Variants in NALF1 observed in about 807,000 individuals in gnomAD.
NALF1 encodes NALCN channel auxiliary factor 1.
NALF1 carries 3 observed loss-of-function variants against 48.4 expected under a neutral mutation model. That is an observed-to-expected ratio of 0.06 (90% CI 0.03 to 0.16). The LOEUF is 0.16. Among genes scored for constraint, NALF1 ranks in the 10% least tolerant of loss-of-function variants. The probability of loss-of-function intolerance (pLI) is 1.00; values close to 1 mark genes in which losing one functional copy is unlikely to be tolerated. For missense variants in NALF1, 526 were observed against 571.5 expected (o/e 0.92, Z 0.81); for synonymous variants, 262 against 245.7 (o/e 1.07, Z -0.62).
intron 1 of NALF1, among the ~76,000 whole-genome samples, chr13:107,344,546 A>G (rs1001317899): frequency 6.6e-6 from 1 of 152,202 alleles, no homozygotes; most frequent in African/African-American, 2.4e-5. Context: ...AAATCAATCA[A>G]TGTAATACAC....
intron 1 of NALF1, among the ~76,000 whole-genome samples, chr13:107,821,245 T>C (rs542361634): frequency 2.6e-5 from 4 of 152,350 alleles, no homozygotes; most frequent in African/African-American, 7.2e-5. Flanking sequence ...TGAGGACTTA[T>C]ACCCCAATAC....
chr13:107,794,264 T>A (rs1179825038), intron 1 of NALF1, among the ~76,000 whole-genome samples: 1 of 152,170 alleles, frequency 6.6e-6, no homozygotes, highest in Non-Finnish European at 1.5e-5. Flanking sequence ...AGCCCCTGGT[T>A]ACGTCTCTAA....
chr13:107,236,504 C>G (rs1356743464), intron 1 of NALF1, among the ~76,000 whole-genome samples: 1 of 151,996 alleles, frequency 6.6e-6, no homozygotes, highest in Non-Finnish European at 1.5e-5. Context: ...AGAAGAGTCC[C>G]CAGAGCGCAT....
At chr13:107,720,510 C>CA (rs56380251) in intron 1 of NALF1, among the ~76,000 whole-genome samples, 1,971 of 59,796 alleles carry the variant, frequency 0.033, 371 homozygotes, top group African/African-American at 0.11. Flanking sequence ...GACTGCATCT[C>CA]AAAAAAAAAA....
chr13:107,420,681 A>G (rs925669668), intron 1 of NALF1, among the ~76,000 whole-genome samples: 2 of 152,150 alleles, frequency 1.3e-5, no homozygotes, highest in Admixed American at 6.6e-5. Context: ...TCATACATAT[A>G]CCCATACAAA....
intron 1 of NALF1, among the ~76,000 whole-genome samples, chr13:107,407,087 C>A (rs1883912458): frequency 6.6e-6 from 1 of 151,888 alleles, no homozygotes; most frequent in Admixed American, 6.6e-5. Context: ...AAACTCAGAC[C>A]CCCATCGCTC....
intron 1 of NALF1, among the ~76,000 whole-genome samples, chr13:107,307,753 C>T (rs1374543542): frequency 1.3e-5 from 2 of 151,540 alleles, no homozygotes; most frequent in South Asian, 2.1e-4. Context: ...TCATTCTTTG[C>T]GGCACTAAAG....
chr13:107,409,874 T>C (rs534233590), intron 1 of NALF1, among the ~76,000 whole-genome samples: 30 of 152,316 alleles, frequency 2.0e-4, no homozygotes, highest in African/African-American at 7.2e-4. Context: ...ATCTCTTGAG[T>C]ACTACTGCCT....
At chr13:107,430,815 A>G (rs189799937) in intron 1 of NALF1, among the ~76,000 whole-genome samples, 12 of 152,172 alleles carry the variant, frequency 7.9e-5, no homozygotes, top group African/African-American at 2.9e-4. Context: ...GTATATACCC[A>G]GTAATGGGAT....
At chr13:107,319,052 C>T (rs970267830) in intron 1 of NALF1, among the ~76,000 whole-genome samples, 9 of 152,044 alleles carry the variant, frequency 5.9e-5, no homozygotes, top group African/African-American at 2.2e-4. Context: ...TTTGGTAAGT[C>T]ACAGTCCTAA....
At chr13:107,778,210 T>C (rs1438966434) in intron 1 of NALF1, among the ~76,000 whole-genome samples, 2 of 152,182 alleles carry the variant, frequency 1.3e-5, no homozygotes, top group East Asian at 3.9e-4. Flanking sequence ...TGAGGCTGCA[T>C]GAATGGAATG....
chr13:107,631,793 T>G (rs544175377), intron 1 of NALF1, among the ~76,000 whole-genome samples: 2 of 152,130 alleles, frequency 1.3e-5, no homozygotes, highest in Non-Finnish European at 2.9e-5. Flanking sequence ...ATGCAGATTA[T>G]ATATATAGCC....
chr13:107,177,734 G>A (rs939021916), intron 2 of NALF1, among the ~76,000 whole-genome samples: 5 of 152,130 alleles, frequency 3.3e-5, no homozygotes, highest in Non-Finnish European at 5.9e-5. Context: ...TGCCATATAC[G>A]AAAATCAAAT....
rs372122331 is a variant in NALF1, at chr13:107,638,201, A to ATATATATATATATATATGTATGTATG, written c.915+227480_915+227481insCATACATACATATATATATATATATA. On this transcript the variant is annotated intron_variant, in intron 1 of 2. Coordinates refer to ENST00000375915, the MANE Select transcript of NALF1 (RefSeq NM_001080396.3). ...TATATAAAGATTTATATATATATAT[A>ATATATATATATATATATGTATGTATG]TATATAATTTAAGATGAACATTGGG... 1.1e-4 allele frequency among the ~76,000 whole-genome samples: 12 copies of ATATATATATATATATATGTATGTATG among 110,848 alleles called. No individual in the cohort carries two copies. In the South Asian group the frequency reaches 2.0e-3, roughly 18 times the overall value. The allele number at this position is 110,848 out of a possible 152,430, so 72.7% of individuals were successfully genotyped here. A position where few individuals can be genotyped will look rare whatever the true frequency, so the allele number is the denominator to read the frequency against.
chr13:107,750,581 TG>T (rs921033246), intron 1 of NALF1, among the ~76,000 whole-genome samples: 2 of 144,616 alleles, frequency 1.4e-5, no homozygotes, highest in African/African-American at 2.5e-5. Flanking sequence ...TTTATTAACA[TG>T]AAAAAAAAAA....
chr13:107,290,501 G>A (rs1013915168), intron 1 of NALF1, among the ~76,000 whole-genome samples: 4 of 152,034 alleles, frequency 2.6e-5, no homozygotes, highest in Admixed American at 6.6e-5. Flanking sequence ...ATTTTATAAG[G>A]GGTTTCCCCT....
At position 107,611,015 on chromosome 13, in the gene NALF1, G is replaced by A. The variant is rs75064601; in HGVS notation, c.915+254667C>T. Reference sequence around the variant, plus strand: ...GAAGGTGGAAGGAGAGAAAGAAGTAGAGGACAGGGAAAACGGAGCACTCTC... The same window carrying A: ...GAAGGTGGAAGGAGAGAAAGAAGTAAAGGACAGGGAAAACGGAGCACTCTC... On this transcript the variant is annotated intron_variant, in intron 1 of 2. Coordinates refer to ENST00000375915, the MANE Select transcript of NALF1 (RefSeq NM_001080396.3). 5.2e-3 allele frequency among the ~76,000 whole-genome samples: 798 copies of A among 152,296 alleles called. 6 individuals are homozygous for A. Among genetic ancestry groups the A allele is most frequent in the African/African-American group, 0.018 (763 of 41,544 alleles).
chr13:107,583,104 T>G (rs1056087749), intron 1 of NALF1, among the ~76,000 whole-genome samples: 1 of 152,126 alleles, frequency 6.6e-6, no homozygotes, highest in African/African-American at 2.4e-5. Flanking sequence ...CATTACAATT[T>G]CCTCCCTCTT....
At chr13:107,776,218 T>C (rs762109048) in intron 1 of NALF1, among the ~76,000 whole-genome samples, 1 of 152,196 alleles carries the variant, frequency 6.6e-6, no homozygotes, top group Non-Finnish European at 1.5e-5. Context: ...TGATGAATTG[T>C]CTCAGCTATG....
Sources: allele counts gnomAD v4.1 joint callset (sites outside exome capture counted in the v4.1 genomes callset), GRCh38; gene constraint gnomAD v4.1.1; transcripts MANE v1.5; gene names NCBI Gene and HGNC (gene_info 2026-07-23, HGNC 2026-07-21).